PDE4D: variants seen among roughly 807,000 people sequenced by gnomAD.
PDE4D encodes phosphodiesterase 4D.
A neutral mutation model predicts 87.4 loss-of-function variants in PDE4D; 24 were observed. The observed-to-expected ratio is 0.27, with a 90% CI of 0.20 to 0.39. The LOEUF is 0.39. Among genes scored for constraint, PDE4D ranks in the 10% least tolerant of loss-of-function variants. PDE4D has a pLI of 1.00. For missense variants in PDE4D, 714 were observed against 1,041.0 expected (o/e 0.69, Z 4.32); for synonymous variants, 384 against 383.2 (o/e 1.00, Z -0.02).
chr5:59,219,972 A>C (rs1007515601), intron 1 of PDE4D, among the ~76,000 whole-genome samples: 3 of 152,138 alleles, frequency 2.0e-5, no homozygotes, highest in Non-Finnish European at 4.4e-5. Flanking sequence ...TGTCTGGCTA[A>C]ATTTGAGGCT....
At chr5:59,140,575 A>T (rs1179381160) in intron 5 of PDE4D, among the ~76,000 whole-genome samples, 1 of 152,234 alleles carries the variant, frequency 6.6e-6, no homozygotes, top group Non-Finnish European at 1.5e-5. Context: ...GAAGTTCTTA[A>T]ACTAAAGACT....
At chr5:59,253,266 T>C (rs181898571) in intron 1 of PDE4D, among the ~76,000 whole-genome samples, 12 of 152,326 alleles carry the variant, frequency 7.9e-5, no homozygotes, top group Admixed American at 7.8e-4. Flanking sequence ...ACAATAGTGC[T>C]GCCAAAGGAA....
At chr5:59,879,291 T>C (rs973433692) in intron 1 of PDE4D, among the ~76,000 whole-genome samples, 6 of 152,214 alleles carry the variant, frequency 3.9e-5, no homozygotes, top group African/African-American at 1.4e-4. Context: ...TATAGGGAAG[T>C]TAAGGAATCT....
At chr5:59,698,613 T>C (rs1222710994) in intron 1 of PDE4D, among the ~76,000 whole-genome samples, 3 of 152,170 alleles carry the variant, frequency 2.0e-5, no homozygotes, top group Non-Finnish European at 2.9e-5. Context: ...AGATATTTTT[T>C]CTATTTATTT....
intron 1 of PDE4D, among the ~76,000 whole-genome samples, chr5:60,385,227 G>A (rs1762119674): frequency 6.6e-6 from 1 of 152,182 alleles, no homozygotes; most frequent in South Asian, 2.1e-4. Context: ...ATGTAGGAGG[G>A]TATGGAAGAA....
chr5:59,889,102 C>T (rs1287576246), intron 1 of PDE4D, among the ~76,000 whole-genome samples: 1 of 151,714 alleles, frequency 6.6e-6, no homozygotes, highest in Non-Finnish European at 1.5e-5. Context: ...GCGGCTCGTG[C>T]CCGTAGTCCC....
chr5:59,657,077 G>A (rs1744486185), intron 1 of PDE4D, among the ~76,000 whole-genome samples: 2 of 152,050 alleles, frequency 1.3e-5, no homozygotes, highest in African/African-American at 4.8e-5. Flanking sequence ...TACTATTACA[G>A]CTATTTTCAT....
chr5:59,512,070 T>C (rs1466729538), intron 1 of PDE4D, among the ~76,000 whole-genome samples: 1 of 152,156 alleles, frequency 6.6e-6, no homozygotes. Flanking sequence ...TCTTAACATC[T>C]GGTTTTTGTG....
intron 1 of PDE4D, among the ~76,000 whole-genome samples, chr5:60,321,811 T>C (rs1185572573): frequency 1.3e-5 from 2 of 152,044 alleles, no homozygotes; most frequent in Non-Finnish European, 2.9e-5. Context: ...CAGTAATCAT[T>C]AGGCCAATGC....
chr5:60,207,645 A>G (rs2149562945), intron 1 of PDE4D, among the ~76,000 whole-genome samples: 1 of 152,374 alleles, frequency 6.6e-6, no homozygotes. Flanking sequence ...ATCATATATA[A>G]GAAGTGATTG....
At chr5:59,385,029 A>G (rs1562077995) in intron 1 of PDE4D, among the ~76,000 whole-genome samples, 1 of 152,150 alleles carries the variant, frequency 6.6e-6, no homozygotes, top group African/African-American at 2.4e-5. Context: ...TTCTTTTCCA[A>G]ATGGTACTCA....
intron 1 of PDE4D, among the ~76,000 whole-genome samples, chr5:59,570,092 C>T (rs963285881): frequency 6.6e-5 from 10 of 152,072 alleles, no homozygotes; most frequent in African/African-American, 2.2e-4. Context: ...TCCTGGAGAC[C>T]GAATATTCAT....
At chr5:59,418,274 TCA>T (rs1307519022) in intron 1 of PDE4D, among the ~76,000 whole-genome samples, 3 of 152,224 alleles carry the variant, frequency 2.0e-5, no homozygotes, top group African/African-American at 7.2e-5. Flanking sequence ...AAATATAGTC[TCA>T]TTCTCCTTTT....
chr5:60,486,549 A>G (rs1217514255), intron 1 of PDE4D, among the ~76,000 whole-genome samples: 1 of 152,198 alleles, frequency 6.6e-6, no homozygotes, highest in Admixed American at 6.5e-5. Context: ...AAGCAAAAAT[A>G]TTTTTAACAA....
At chr5:59,666,534 T>A (rs964464059) in intron 1 of PDE4D, among the ~76,000 whole-genome samples, 4 of 152,218 alleles carry the variant, frequency 2.6e-5, no homozygotes, top group African/African-American at 7.2e-5. Context: ...AGCAATAAAG[T>A]GTCCCTGCCT....
At chr5:59,705,507 A>G (rs1428550237) in intron 1 of PDE4D, among the ~76,000 whole-genome samples, 5 of 152,172 alleles carry the variant, frequency 3.3e-5, no homozygotes, top group African/African-American at 1.2e-4. Flanking sequence ...ACCAAATTGA[A>G]TTCTTTGAAA....
At chr5:59,499,955 A>G in intron 1 of PDE4D, among the ~76,000 whole-genome samples, 1 of 152,132 alleles carries the variant, frequency 6.6e-6, no homozygotes, top group Non-Finnish European at 1.5e-5. Context: ...AAATCTGGCA[A>G]AGACACAACA....
At chr5:59,956,155 C>A (rs998744761) in intron 3 of PDE4D, among the ~76,000 whole-genome samples, 2 of 152,122 alleles carry the variant, frequency 1.3e-5, no homozygotes, top group African/African-American at 2.4e-5. Flanking sequence ...TGGCAGAAAA[C>A]CCCGAATAAT....
At chr5:59,020,837 C>T (rs535281230) in intron 6 of PDE4D, among the ~76,000 whole-genome samples, 26 of 152,210 alleles carry the variant, frequency 1.7e-4, no homozygotes, top group African/African-American at 6.0e-4. Context: ...CTTCTCTTAC[C>T]GGCTGTGGCT....
Sources: allele counts gnomAD v4.1 joint callset (sites outside exome capture counted in the v4.1 genomes callset), GRCh38; gene constraint gnomAD v4.1.1; transcripts MANE v1.5; gene names NCBI Gene and HGNC (gene_info 2026-07-23, HGNC 2026-07-21).